The following TPR variants were observed in gnomAD, a reference collection of about 807,000 sequenced individuals.
TPR encodes nucleoprotein TPR.
Under a neutral mutation model 316.1 loss-of-function variants are expected in TPR, and 51 were observed. That is an observed-to-expected ratio of 0.16 (90% CI 0.13 to 0.20). The LOEUF (loss-of-function observed/expected upper bound fraction) is 0.20. TPR is among the 10% of genes least tolerant of loss of function. TPR has a pLI of 1.00. For missense variants in TPR, 2,272 were observed against 2,754.8 expected, an observed-to-expected ratio of 0.82 and a Z score of 3.92; for synonymous variants, 981 against 914.7, an observed-to-expected ratio of 1.07 and a Z score of -1.31.
At position 186,333,001 on chromosome 1, in the gene TPR, T is replaced by C. The variant is rs1000104318; in HGVS notation, c.5455+121A>G. ...CGTATTATATCCAAGATATTATAAT[T>C]GCGTAGGTCTATTCTAACTTCATTT... On this transcript the variant is annotated intron_variant, in intron 37 of 50. Transcript: ENST00000367478. 145 of 1,169,930 alleles carry C rather than the reference T, an allele frequency of 1.2e-4. 1 individual carries two copies. The highest frequency in any genetic ancestry group is 4.7e-6 in the Non-Finnish European group (4 of 853,002). The allele number at this position is 1,169,930 out of a possible 1,614,324, so 72.5% of individuals were successfully genotyped here.
At chr1:186,328,982 T>C (rs920894564) in intron 39 of TPR, among the ~76,000 whole-genome samples, 3 of 152,124 alleles carry the variant, frequency 2.0e-5, no homozygotes, top group Non-Finnish European at 4.4e-5. Flanking sequence ...TATGCCGTAA[T>C]GGAAAAAATG....
At chr1:186,361,569 A>G (rs75782875) in intron 9 of TPR, 53 bp downstream of exon 9, 20 of 1,400,644 alleles carry the variant, frequency 1.4e-5, no homozygotes, top group Non-Finnish European at 1.7e-5. Flanking sequence ...AGGGTAAAAA[A>G]AAAAAAAGAG....
In TPR at chr1:186,322,504, G is replaced by A. The variant is rs761908166; in HGVS notation, c.6366+14C>T. 1.2e-6 allele frequency: 2 copies of A among 1,613,202 alleles called. No homozygotes were observed. Among genetic ancestry groups the A allele is most frequent in the Admixed American group, 1.7e-5 (1 of 59,972 alleles). On this transcript the variant is annotated intron_variant, in intron 44 of 50. Coordinates refer to ENST00000367478, the MANE Select transcript of TPR (RefSeq NM_003292.3). ...AAGAAATGAATTACTTTTACATAAT[G>A]GGTAAGTACTTACCATGCCACCTAT... is the stretch of plus-strand genomic sequence containing the variant.
At chr1:186,315,322 T>C (rs1431368318) in intron 49 of TPR, among the ~76,000 whole-genome samples, 1 of 151,904 alleles carries the variant, frequency 6.6e-6, no homozygotes, top group Non-Finnish European at 1.5e-5. Flanking sequence ...ACTACCCATG[T>C]ATCAAACATA....
chr1:186,358,471 C>A (rs1659090479), intron 13 of TPR, 72 bp downstream of exon 13: 2 of 1,204,480 alleles, frequency 1.7e-6, no homozygotes, highest in East Asian at 2.4e-5. Flanking sequence ...TCTTAGGTAC[C>A]TTCAAACAGA....
intron 18 of TPR, among the ~76,000 whole-genome samples, chr1:186,353,480 A>G (rs1395531966): frequency 6.6e-6 from 1 of 152,208 alleles, no homozygotes; most frequent in Non-Finnish European, 1.5e-5. Context: ...CAGCAGAAAA[A>G]CAAATTCCTT....
chr1:186,375,203 A>G lies in TPR; in HGVS notation c.-175T>C. 4 of 1,503,966 alleles carry G rather than the reference A, an allele frequency of 2.7e-6. No homozygotes were observed. Among genetic ancestry groups the G allele is most frequent in the Non-Finnish European group, 3.6e-6 (4 of 1,124,500 alleles). The allele number at this position is 1,503,966 out of a possible 1,614,324, so 93.2% of individuals were successfully genotyped here. ...GGCGGGACCCTGGGAAATCGAGTCC[A>G]CCCTCAGCGGCAGCGTTTCAGCAAC... On this transcript the variant is annotated 5_prime_UTR_variant, in exon 1 of 51. Transcript: ENST00000367478.
chr1:186,323,119 A>C (rs1391138366), intron 43 of TPR, among the ~76,000 whole-genome samples: 2 of 152,158 alleles, frequency 1.3e-5, no homozygotes, highest in East Asian at 1.9e-4. Flanking sequence ...ATAGGGAAAA[A>C]CTTAAGCTAA....
At chr1:186,338,874 TG>T (rs977470783) in intron 30 of TPR, among the ~76,000 whole-genome samples, 1 of 152,144 alleles carries the variant, frequency 6.6e-6, no homozygotes, top group African/African-American at 2.4e-5. Context: ...TCAATCTTTT[TG>T]AATCTTAGGC....
Position 186,362,376 on chromosome 1 carries a change from G to C in TPR, c.701C>G (p.Ser234Cys), listed in dbSNP as rs753059221. 1.5e-5 allele frequency: 24 copies of C among 1,610,684 alleles called. No individual in the cohort carries two copies. Among genetic ancestry groups the C allele is most frequent in the Non-Finnish European group, 2.0e-5 (24 of 1,177,956 alleles). Residue 234 changes from serine (S) to cysteine (C), a missense_variant, in exon 7 of 51, where the codon TCT becomes TGT. By Grantham distance (112) the Ser-to-Cys change is moderately radical. Around this residue, in one of 10 missense-constraint regions of TPR, gnomAD observed 549 missense variants for 598.6 expected, o/e 0.92. Coordinates refer to ENST00000367478, the MANE Select transcript of TPR (RefSeq NM_003292.3). ...CNLENKKEEV[S>C]RLEEQMNGLK... ...GCCATTCATTTGTTCTTCCAGTCTAGAAACCTAAAAACAAAAAATAGAGCA... is the reference window on the plus strand; with the variant it reads ...GCCATTCATTTGTTCTTCCAGTCTACAAACCTAAAAACAAAAAATAGAGCA...
intron 2 of TPR, among the ~76,000 whole-genome samples, chr1:186,372,664 GTCTGATCTCGGAAGC>G (rs1453998318): frequency 6.6e-6 from 1 of 152,174 alleles, no homozygotes; most frequent in Non-Finnish European, 1.5e-5. Flanking sequence ...ACCCCATCTC[GTCTGATCTCGGAAGC>G]TAAGCAGGGT....
intron 1 of TPR, among the ~76,000 whole-genome samples, chr1:186,373,939 A>G (rs1659610061): frequency 6.6e-6 from 1 of 152,232 alleles, no homozygotes; most frequent in Non-Finnish European, 1.5e-5. Flanking sequence ...AAGGGATTGA[A>G]TATCATGTTC....
intron 18 of TPR, 93 bp from the exon 19 acceptor site, chr1:186,352,203 C>A: frequency 8.1e-7 from 1 of 1,227,188 alleles, no homozygotes; most frequent in South Asian, 1.8e-5. Context: ...TACATCACTA[C>A]TTTTTTTTAA....
Position 186,344,011 on chromosome 1 carries a change from A to G in TPR, c.3497T>C (p.Leu1166Ser). 6.2e-7 allele frequency: 1 copy of G among 1,614,140 alleles called. No individual in the cohort carries two copies. Among genetic ancestry groups the G allele is most frequent in the Non-Finnish European group, 8.5e-7 (1 of 1,180,020 alleles). The change falls in exon 26 of 51, where the codon TTA becomes TCA. Residue 1166 changes from leucine (L) to serine (S), a missense_variant. Physicochemically the swap from Leu to Ser is moderately radical, Grantham distance 145. Around this residue, in one of 10 missense-constraint regions of TPR, gnomAD observed 757 missense variants for 859.8 expected, o/e 0.88. Transcript: ENST00000367478. ...NRLLHDQIEK[L>S]SDKVVASVKE... ...CACAGAGGCAACGACCTTGTCACTTAATTTTTCGATCTGATCATGAAGTAA... is the reference window on the plus strand; with the variant it reads ...CACAGAGGCAACGACCTTGTCACTTGATTTTTCGATCTGATCATGAAGTAA...
intron 2 of TPR, among the ~76,000 whole-genome samples, chr1:186,371,519 A>C (rs1003519613): frequency 1.2e-4 from 18 of 152,196 alleles, no homozygotes; most frequent in Non-Finnish European, 2.6e-4. Context: ...TTAAAGAAAA[A>C]ACATTATGCT....
Position 186,333,304 on chromosome 1 carries a change from G to C in TPR, c.5273C>G (p.Ser1758Cys). 6.2e-7 allele frequency: 1 copy of C among 1,613,706 alleles called. No individual in the cohort carries two copies. Among genetic ancestry groups the C allele is most frequent in the Non-Finnish European group, 8.5e-7 (1 of 1,179,718 alleles). The change falls in exon 37 of 51, where the codon TCT becomes TGT. Residue 1758 changes from serine (S) to cysteine (C), a missense_variant. Physicochemically the swap from Ser to Cys is moderately radical, Grantham distance 112. Around this residue, in one of 10 missense-constraint regions of TPR, gnomAD observed 435 missense variants for 461.1 expected, o/e 0.94. Transcript: ENST00000367478. ...VRSTSPNVQP[S>C]ISQPILTVQQ... ...AACAGTTAAAATAGGTTGAGAGATA[G>C]AAGGCTGGACATTAGGACTAGTAGA... is the stretch of plus-strand genomic sequence containing the variant.
At chr1:186,372,618 A>C (rs1210740023) in intron 2 of TPR, among the ~76,000 whole-genome samples, 1 of 152,210 alleles carries the variant, frequency 6.6e-6, no homozygotes, top group African/African-American at 2.4e-5. Context: ...GCTTTCTTAA[A>C]GCAGAAGCAG....
chr1:186,364,945 A>C (rs1659295517), intron 4 of TPR, among the ~76,000 whole-genome samples: 1 of 152,098 alleles, frequency 6.6e-6, no homozygotes, highest in Non-Finnish European at 1.5e-5. Flanking sequence ...TAAAGCTTTT[A>C]ACCCCAGGGC....
rs577276112 is a variant in TPR, at chr1:186,350,234, C to G, written c.2765G>C (p.Arg922Thr). 6.2e-7 allele frequency: 1 copy of G among 1,607,106 alleles called. No homozygotes were observed. Among genetic ancestry groups the G allele is most frequent in the Non-Finnish European group, 8.5e-7 (1 of 1,178,028 alleles). Residue 922 changes from arginine (R) to threonine (T), a missense_variant, in exon 21 of 51, where the codon AGA (arginine) becomes ACA (threonine). Transcript: ENST00000367478. ...CTTATTTTATTTACCTTTACCAGTT[C>G]TCTGTGAAGACTGAGAAGCAACTTG... ...EVQVASQSSQRTGKGQPSNKE... is the reference protein window; with the variant it reads ...EVQVASQSSQTTGKGQPSNKE...
Sources: gnomAD v4.1 joint callset for allele counts (sites outside exome capture counted in the v4.1 genomes callset) on GRCh38, gnomAD v4.1.1 for gene constraint, gnomAD v4.1.1 regional missense constraint, MANE v1.5 for transcripts, NCBI Gene and HGNC (gene_info 2026-07-23, HGNC 2026-07-21) for gene names.